The following MROH1 variants were observed in gnomAD, a reference collection of about 807,000 sequenced individuals.
The protein encoded by MROH1 is maestro heat-like repeat-containing protein family member 1.
In MROH1, 117 loss-of-function variants were observed where a neutral mutation model predicts 116.5. The observed-to-expected ratio is 1.00, with a 90% confidence interval of 0.86 to 1.17. The LOEUF is 1.17. MROH1 is among the 50% of genes most tolerant of loss of function. MROH1 has a pLI of 0.00. For synonymous variants in MROH1, 921 were observed against 583.9 expected (o/e 1.58, Z -8.32); for missense variants, 1,873 against 1,338.5 (o/e 1.40, Z -6.23).
intron 12 of MROH1, among the ~76,000 whole-genome samples, chr8:144,215,510 A>G (rs1329138674): frequency 6.6e-6 from 1 of 152,208 alleles, no homozygotes; most frequent in Non-Finnish European, 1.5e-5. Flanking sequence ...ATCTGGCAGA[A>G]TGCCCCTCCT....
chr8:144,192,088 C>A (rs1032976011), intron 9 of MROH1, among the ~76,000 whole-genome samples: 1 of 152,176 alleles, frequency 6.6e-6, no homozygotes, highest in African/African-American at 2.4e-5. Context: ...GTCCATGGCA[C>A]CTGTGGCTTA....
chr8:144,234,028 G>C (rs1554823724), intron 14 of MROH1, among the ~76,000 whole-genome samples: 1 of 152,078 alleles, frequency 6.6e-6, no homozygotes, highest in African/African-American at 2.4e-5. Flanking sequence ...ATTTATTTTT[G>C]AGACGGAGTC....
At chr8:144,165,077 G>T (rs1199010413) in intron 3 of MROH1, among the ~76,000 whole-genome samples, 1 of 151,698 alleles carries the variant, frequency 6.6e-6, no homozygotes, top group Non-Finnish European at 1.5e-5. Context: ...TCCCACCTCA[G>T]CCTCCCAAGT....
Position 144,168,251 on chromosome 8 carries a change from G to A in MROH1, c.23-44G>A, listed in dbSNP as rs753058704. 11 of 1,521,024 alleles carry A rather than the reference G, an allele frequency of 7.2e-6. 1 individual carries two copies. Among genetic ancestry groups the A allele is most frequent in the South Asian group, 5.0e-5 (4 of 79,764 alleles). The allele number at this position is 1,521,024 out of a possible 1,614,324, so 94.2% of individuals were successfully genotyped here. A position where few individuals can be genotyped will look rare whatever the true frequency, so the allele number is the denominator to read the frequency against. ...GTGGCAGCCGAGGTGTGATAGGAGA[G>A]GGCGCTTGGGCCTGAGCATGCTAAC... On this transcript the variant is annotated intron_variant, in intron 3 of 43. Transcript: ENST00000326134.
At chr8:144,223,286 T>C in intron 14 of MROH1, 56 bp downstream of exon 14, 1 of 1,544,374 alleles carries the variant, frequency 6.5e-7, no homozygotes. Flanking sequence ...TGGCCTGTGT[T>C]AGGCACTGGC....
At chr8:144,173,979 C>G (rs1823176811) in intron 4 of MROH1, among the ~76,000 whole-genome samples, 1 of 152,036 alleles carries the variant, frequency 6.6e-6, no homozygotes, top group African/African-American at 2.4e-5. Context: ...ACAGGAAGGA[C>G]AGGTCATGTT....
At chr8:144,227,642 C>G (rs1838049081) in intron 14 of MROH1, among the ~76,000 whole-genome samples, 1 of 150,284 alleles carries the variant, frequency 6.7e-6, no homozygotes. Context: ...GAGACCCTGT[C>G]ACACACACAC....
intron 7 of MROH1, among the ~76,000 whole-genome samples, chr8:144,184,979 C>G (rs1826587907): frequency 6.6e-6 from 1 of 152,200 alleles, no homozygotes; most frequent in South Asian, 2.1e-4. Context: ...GCCCTGGGTG[C>G]TGCTGGTGAG....
At chr8:144,178,132 G>T (rs919071712) in intron 4 of MROH1, among the ~76,000 whole-genome samples, 31 of 145,226 alleles carry the variant, frequency 2.1e-4, no homozygotes, top group Non-Finnish European at 3.0e-5. Context: ...GGTAATTTTT[G>T]TTTTTTGTGT....
At chr8:144,228,835 T>A (rs1041379272) in intron 14 of MROH1, among the ~76,000 whole-genome samples, 8 of 152,204 alleles carry the variant, frequency 5.3e-5, no homozygotes, top group African/African-American at 1.4e-4. Context: ...AACTTTTCTA[T>A]GTCTTATGCA....
intron 2 of MROH1, among the ~76,000 whole-genome samples, chr8:144,162,879 C>T (rs1448552117): frequency 1.3e-5 from 2 of 151,634 alleles, no homozygotes; most frequent in South Asian, 2.1e-4. Flanking sequence ...CCTGCCACCA[C>T]GACCGGCTAA....
At chr8:144,158,408 A>C (rs1433950844) in intron 1 of MROH1, among the ~76,000 whole-genome samples, 1 of 152,186 alleles carries the variant, frequency 6.6e-6, no homozygotes, top group African/African-American at 2.4e-5. Context: ...TACAGGCATG[A>C]GCCACCTCAC....
At chr8:144,200,698 T>G (rs1018025720) in intron 12 of MROH1, 157 bp downstream of exon 12, 3 of 629,562 alleles carry the variant, frequency 4.8e-6, no homozygotes, top group Non-Finnish European at 8.5e-6. Context: ...CTAAACTTTT[T>G]GAAAAGTTGC....
At chr8:144,227,892 G>T (rs1018457800) in intron 14 of MROH1, among the ~76,000 whole-genome samples, 1 of 152,142 alleles carries the variant, frequency 6.6e-6, no homozygotes, top group Non-Finnish European at 1.5e-5. Context: ...AGTCGAGGCT[G>T]CAGTGAGCTG....
chr8:144,243,850 C>T lies in MROH1; in HGVS notation c.2476-13C>T, dbSNP rs1841421914. 5.1e-6 allele frequency: 4 copies of T among 777,180 alleles called. No homozygotes were observed. The highest frequency in any genetic ancestry group is 5.1e-5 in the Admixed American group (3 of 58,494). The allele number at this position is 777,180 out of a possible 1,614,324, so 48.1% of individuals were successfully genotyped here. On this transcript the variant is annotated splice_polypyrimidine_tract_variant and intron_variant, in intron 25 of 43. Coordinates refer to ENST00000326134, the MANE Select transcript of MROH1 (RefSeq NM_032450.3). ...TTCCTCCAAGGGCTGAGTCATGCACCTGCCTCACCCAGGAGTTCATCAGGG... is the reference window on the plus strand; with the variant it reads ...TTCCTCCAAGGGCTGAGTCATGCACTTGCCTCACCCAGGAGTTCATCAGGG...
intron 14 of MROH1, among the ~76,000 whole-genome samples, chr8:144,227,378 G>A (rs1319071112): frequency 2.0e-5 from 3 of 152,198 alleles, no homozygotes; most frequent in Admixed American, 1.3e-4. Flanking sequence ...GCTCATGCCT[G>A]TAATCCCAGC....
At chr8:144,249,252 T>G (rs902152851) in intron 32 of MROH1, among the ~76,000 whole-genome samples, 1 of 152,138 alleles carries the variant, frequency 6.6e-6, no homozygotes, top group Non-Finnish European at 1.5e-5. Flanking sequence ...TGGAGAAATC[T>G]TTCTCTTATG....
At chr8:144,256,397 C>T (rs1007630872) in intron 35 of MROH1, among the ~76,000 whole-genome samples, 2 of 133,822 alleles carry the variant, frequency 1.5e-5, no homozygotes, top group Non-Finnish European at 3.3e-5. Flanking sequence ...CACTTCAGCC[C>T]CTCCCCCTGC....
intron 7 of MROH1, among the ~76,000 whole-genome samples, chr8:144,181,297 G>GGTGATGGGGGAGGGGCCCA (rs1295619145): frequency 2.6e-5 from 4 of 151,214 alleles, no homozygotes; most frequent in Non-Finnish European, 5.9e-5. Flanking sequence ...GGAGGGGCCC[G>GGTGATGGGGGAGGGGCCCA]GTGATGGGGG....
Sources: gnomAD v4.1 joint callset for allele counts (sites outside exome capture counted in the v4.1 genomes callset) on GRCh38, gnomAD v4.1.1 for gene constraint, MANE v1.5 for transcripts, NCBI Gene and HGNC (gene_info 2026-07-23, HGNC 2026-07-21) for gene names.